The following ROBO1 variants were observed in gnomAD, a reference collection of about 807,000 sequenced individuals.
ROBO1 encodes the protein roundabout guidance receptor 1.
A neutral mutation model predicts 195.9 loss-of-function variants in ROBO1; 149 were observed. The observed-to-expected ratio is 0.76, with a 90% CI of 0.67 to 0.87. ROBO1 has a LOEUF of 0.87. Ranked by LOEUF, ROBO1 falls within the 40% of genes least tolerant of loss-of-function variation. The probability of loss-of-function intolerance (pLI) is 0.00; values close to 1 mark genes in which losing one functional copy is unlikely to be tolerated. For missense variants in ROBO1, 1,933 were observed against 2,068.3 expected (o/e 0.93, Z 1.27); for synonymous variants, 816 against 733.2 (o/e 1.11, Z -1.82).
chr3:79,596,499 C>T (rs974826990), intron 1 of ROBO1, among the ~76,000 whole-genome samples: 12 of 151,816 alleles, frequency 7.9e-5, no homozygotes, highest in African/African-American at 2.2e-4. Flanking sequence ...ATTGAGGTTA[C>T]ATGGAAGGCT....
intron 4 of ROBO1, among the ~76,000 whole-genome samples, chr3:78,843,942 T>C (rs1424525652): frequency 2.6e-5 from 4 of 152,140 alleles, no homozygotes; most frequent in African/African-American, 4.8e-5. Context: ...ATCTTTGCCT[T>C]ATCTGTAAAT....
At position 78,653,543 on chromosome 3, in the gene ROBO1, G is replaced by A. The variant is rs141552856; in HGVS notation, c.2615-1614C>T. Among the ~76,000 whole-genome samples the A allele has an allele frequency of 2.6e-5, 4 of 152,354 alleles. No homozygotes were observed. The East Asian group carries it at 7.7e-4, about 29-fold the overall frequency. ...CCACCTGGATTCCCACCTGCTGGTT[G>A]AGCAAATTGCCCTGGTGGCCTTCTC... is the stretch of plus-strand genomic sequence containing the variant. On this transcript the variant is annotated intron_variant, in intron 18 of 30. Transcript: ENST00000464233.
intron 2 of ROBO1, among the ~76,000 whole-genome samples, chr3:79,334,248 A>C (rs1445978224): frequency 1.3e-5 from 2 of 150,318 alleles, no homozygotes; most frequent in Admixed American, 6.7e-5. Context: ...GGTTGCAGTG[A>C]GCAGAGATCG....
At chr3:79,221,705 T>C (rs772345596) in intron 2 of ROBO1, among the ~76,000 whole-genome samples, 1 of 152,112 alleles carries the variant, frequency 6.6e-6, no homozygotes, top group Non-Finnish European at 1.5e-5. Context: ...GGTGAAAATA[T>C]ACATTTTTGG....
chr3:79,749,533 A>C (rs1237287447), intron 1 of ROBO1, among the ~76,000 whole-genome samples: 1 of 152,144 alleles, frequency 6.6e-6, no homozygotes, highest in Admixed American at 6.5e-5. Flanking sequence ...CCCTTCCATC[A>C]CAGGCCTGGA....
intron 3 of ROBO1, among the ~76,000 whole-genome samples, chr3:78,964,883 T>A (rs1288986977): frequency 4.6e-5 from 7 of 151,046 alleles, no homozygotes; most frequent in Admixed American, 4.6e-4. Context: ...AGATTCTCTC[T>A]CTGTTACCCA....
chr3:79,102,154 A>T (rs961656883), intron 3 of ROBO1, among the ~76,000 whole-genome samples: 6 of 151,878 alleles, frequency 4.0e-5, no homozygotes, highest in African/African-American at 1.4e-4. Context: ...TCAGGAAATA[A>T]TACCTTTCAT....
At chr3:79,454,073 G>A (rs1686181155) in intron 2 of ROBO1, among the ~76,000 whole-genome samples, 1 of 151,592 alleles carries the variant, frequency 6.6e-6, no homozygotes, top group Non-Finnish European at 1.5e-5. Context: ...TAGTCTAATT[G>A]GCTTCTTAAA....
chr3:79,279,508 C>T lies in ROBO1; in HGVS notation c.89-153969G>A, dbSNP rs148276998. ...ATAAGGAGAAAAGGGAAAGCTTATG[C>T]ACTGTTGGTGGGTAAGTAAACTAAT... On this transcript the variant is annotated intron_variant, in intron 2 of 30. Coordinates refer to ENST00000464233, the MANE Select transcript of ROBO1 (RefSeq NM_002941.4). 1.2e-3 allele frequency among the ~76,000 whole-genome samples: 188 copies of T among 152,124 alleles called. No homozygotes were observed. The Middle Eastern group carries it at 0.014, about 11-fold the overall frequency.
intron 2 of ROBO1, among the ~76,000 whole-genome samples, chr3:79,314,255 G>A (rs1311350776): frequency 6.6e-6 from 1 of 152,116 alleles, no homozygotes; most frequent in East Asian, 1.9e-4. Flanking sequence ...CCTGATGTAA[G>A]ACTGATAGGG....
intron 2 of ROBO1, among the ~76,000 whole-genome samples, chr3:79,455,563 C>T (rs1313437203): frequency 6.6e-6 from 1 of 151,968 alleles, no homozygotes; most frequent in Admixed American, 6.6e-5. Flanking sequence ...TTCATGTGTG[C>T]TATTATAATT....
At chr3:79,751,767 T>A (rs1206361173) in intron 1 of ROBO1, among the ~76,000 whole-genome samples, 2 of 152,188 alleles carry the variant, frequency 1.3e-5, no homozygotes, top group Non-Finnish European at 2.9e-5. Flanking sequence ...ACAAATTAAA[T>A]AATTTTCTTT....
chr3:79,609,481 A>T (rs1944589389), intron 1 of ROBO1, among the ~76,000 whole-genome samples: 1 of 151,968 alleles, frequency 6.6e-6, no homozygotes, highest in Admixed American at 6.6e-5. Context: ...TTTCCACATG[A>T]TTCAGAAATG....
At chr3:79,106,474 A>G (rs1444425900) in intron 3 of ROBO1, among the ~76,000 whole-genome samples, 3 of 151,674 alleles carry the variant, frequency 2.0e-5, no homozygotes, top group Non-Finnish European at 4.4e-5. Context: ...ATTATGGAAC[A>G]GGCTCTGAAC....
intron 10 of ROBO1, among the ~76,000 whole-genome samples, chr3:78,679,118 T>C (rs1236291334): frequency 6.6e-6 from 1 of 152,100 alleles, no homozygotes; most frequent in East Asian, 1.9e-4. Flanking sequence ...TTTGACAAAA[T>C]TCAACAACAC....
chr3:79,714,330 A>G (rs1702392334), intron 1 of ROBO1, among the ~76,000 whole-genome samples: 1 of 152,192 alleles, frequency 6.6e-6, no homozygotes, highest in African/African-American at 2.4e-5. Flanking sequence ...AATGGTGATC[A>G]TTAAAAAGTC....
intron 1 of ROBO1, among the ~76,000 whole-genome samples, chr3:79,756,345 T>C (rs1007399385): frequency 1.3e-5 from 2 of 151,450 alleles, no homozygotes; most frequent in East Asian, 1.9e-4. Context: ...AGGTTAGGAG[T>C]TCGAGATCAG....
At chr3:78,631,627 TC>T (rs1248871106) in intron 24 of ROBO1, among the ~76,000 whole-genome samples, 1 of 152,222 alleles carries the variant, frequency 6.6e-6, no homozygotes, top group African/African-American at 2.4e-5. Context: ...AGATATATTT[TC>T]TCGAGTGCCT....
chr3:79,378,612 T>C (rs2109361687), intron 2 of ROBO1, among the ~76,000 whole-genome samples: 1 of 152,370 alleles, frequency 6.6e-6, no homozygotes, highest in East Asian at 1.9e-4. Flanking sequence ...TTTTTCCCTG[T>C]AAAATTATGT....
Sources: gnomAD v4.1 joint callset for allele counts (sites outside exome capture counted in the v4.1 genomes callset) on GRCh38, gnomAD v4.1.1 for gene constraint, MANE v1.5 for transcripts, NCBI Gene and HGNC (gene_info 2026-07-23, HGNC 2026-07-21) for gene names.